The following DSCAM variants were observed in gnomAD, a reference collection of about 807,000 sequenced individuals.
DSCAM encodes cell adhesion molecule DSCAM.
DSCAM carries 47 observed loss-of-function variants against 217.7 expected under a neutral mutation model. The observed-to-expected ratio is 0.22, with a 90% CI of 0.17 to 0.28. DSCAM has a LOEUF of 0.28. Among genes scored for constraint, DSCAM ranks in the 10% least tolerant of loss-of-function variants. The pLI, the probability that DSCAM is intolerant of heterozygous loss-of-function variation, is 1.00. For missense variants in DSCAM, 2,080 were observed against 2,618.3 expected, an observed-to-expected ratio of 0.79 and a Z score of 4.49; for synonymous variants, 1,056 against 1,015.3, an observed-to-expected ratio of 1.04 and a Z score of -0.76.
intron 3 of DSCAM, among the ~76,000 whole-genome samples, chr21:40,617,392 G>A (rs2089417038): frequency 6.6e-6 from 1 of 152,074 alleles, no homozygotes; most frequent in South Asian, 2.1e-4. Context: ...CCGAAGTGCT[G>A]GGATTACAGG....
intron 3 of DSCAM, among the ~76,000 whole-genome samples, chr21:40,401,085 T>C (rs541857829): frequency 6.6e-6 from 1 of 152,334 alleles, no homozygotes. Flanking sequence ...AGTAACAGGA[T>C]CACCTTGGTT....
chr21:40,457,520 T>TAA (rs1223260239), intron 3 of DSCAM, among the ~76,000 whole-genome samples: 7 of 142,118 alleles, frequency 4.9e-5, no homozygotes, highest in African/African-American at 1.9e-4. Context: ...TCAAAAAAAA[T>TAA]AATAAAATAA....
At chr21:40,395,908 C>A (rs1476015118) in intron 3 of DSCAM, among the ~76,000 whole-genome samples, 1 of 152,174 alleles carries the variant, frequency 6.6e-6, no homozygotes, top group Admixed American at 6.5e-5. Context: ...CTCCCTGCCA[C>A]GGCCCTCACA....
chr21:40,569,655 C>G (rs1393781254), intron 3 of DSCAM, among the ~76,000 whole-genome samples: 2 of 152,158 alleles, frequency 1.3e-5, no homozygotes, highest in Non-Finnish European at 2.9e-5. Flanking sequence ...CTATCTGTCC[C>G]CTATATAACT....
intron 8 of DSCAM, among the ~76,000 whole-genome samples, chr21:40,324,142 A>G (rs1296559392): frequency 2.7e-5 from 4 of 145,994 alleles, no homozygotes; most frequent in African/African-American, 5.1e-5. Flanking sequence ...GAAAAAAAAA[A>G]GAGAGAGAGA....
At chr21:40,153,246 C>T (rs1277136733) in intron 16 of DSCAM, among the ~76,000 whole-genome samples, 1 of 152,220 alleles carries the variant, frequency 6.6e-6, no homozygotes, top group African/African-American at 2.4e-5. Context: ...CTACACAAGG[C>T]ATGGCACAAC....
At chr21:40,525,793 C>G (rs2076395589) in intron 3 of DSCAM, among the ~76,000 whole-genome samples, 1 of 152,224 alleles carries the variant, frequency 6.6e-6, no homozygotes, top group Non-Finnish European at 1.5e-5. Context: ...GAGGTACCCT[C>G]ATTTCAGTCT....
chr21:40,130,553 G>A lies in DSCAM; in HGVS notation c.3562+3301C>T, dbSNP rs1344537301. Among the ~76,000 whole-genome samples, 36 of 152,120 alleles carry A rather than the reference G, an allele frequency of 2.4e-4. 2 individuals carry two copies. The highest frequency in any genetic ancestry group is 2.2e-3 in the Admixed American group (33 of 15,272). ...TCCATGTACCTGAGACTCTATTTAC[G>A]GATGAGAGATGATATCCATGGCCCT... On this transcript the variant is annotated intron_variant, in intron 19 of 32. Coordinates refer to ENST00000400454, the MANE Select transcript of DSCAM (RefSeq NM_001389.5).
chr21:40,334,693 A>G (rs1447526082), intron 8 of DSCAM, among the ~76,000 whole-genome samples: 2 of 144,332 alleles, frequency 1.4e-5, no homozygotes, highest in Non-Finnish European at 3.0e-5. Context: ...TGCAGTGTCT[A>G]TTCACAGGTG....
At chr21:40,112,293 G>C (rs553949799) in intron 20 of DSCAM, among the ~76,000 whole-genome samples, 1 of 150,636 alleles carries the variant, frequency 6.6e-6, no homozygotes, top group African/African-American at 2.4e-5. Flanking sequence ...CATGGAAACT[G>C]AACAACCTGC....
At chr21:40,765,813 A>G (rs1386978910) in intron 1 of DSCAM, among the ~76,000 whole-genome samples, 1 of 152,214 alleles carries the variant, frequency 6.6e-6, no homozygotes, top group Non-Finnish European at 1.5e-5. Flanking sequence ...AGTGCCTGTT[A>G]TCAACAGCCG....
intron 11 of DSCAM, among the ~76,000 whole-genome samples, chr21:40,249,494 C>T (rs1414255358): frequency 6.6e-6 from 1 of 152,166 alleles, no homozygotes; most frequent in African/African-American, 2.4e-5. Flanking sequence ...TCCAACTAAA[C>T]TTTTTTTCTT....
rs755508225 is a variant in DSCAM at position 40,692,901 on chromosome 21, A to G, written c.417T>C (p.Asn139=). 3 of 1,613,848 alleles carry G rather than the reference A, an allele frequency of 1.9e-6. No individual in the cohort carries two copies. The highest frequency in any genetic ancestry group is 4.5e-5 in the East Asian group (2 of 44,878). ...GGATAATGCACTTGAAGACCGCAACATTGCCTCTCATGGTTTTCTGGTCCT... is the reference window on the plus strand; with the variant it reads ...GGATAATGCACTTGAAGACCGCAACGTTGCCTCTCATGGTTTTCTGGTCCT... ...RVEDQKTMRG[N]VAVFKCIIPS... Residue 139 remains asparagine, a synonymous_variant, in exon 3 of 33, where the codon AAT becomes AAC. Coordinates refer to ENST00000400454, the MANE Select transcript of DSCAM (RefSeq NM_001389.5).
chr21:40,330,498 G>A (rs891884836), intron 8 of DSCAM, among the ~76,000 whole-genome samples: 18 of 150,176 alleles, frequency 1.2e-4, no homozygotes, highest in African/African-American at 4.2e-4. Context: ...TTGAGATATC[G>A]CTTATAAAAC....
intron 3 of DSCAM, among the ~76,000 whole-genome samples, chr21:40,406,229 G>T (rs762299130): frequency 2.0e-5 from 3 of 152,138 alleles, no homozygotes; most frequent in Non-Finnish European, 4.4e-5. Flanking sequence ...AGTCACTATG[G>T]AAAATGGTAT....
intron 28 of DSCAM, among the ~76,000 whole-genome samples, chr21:40,061,752 A>G (rs1390305338): frequency 1.3e-5 from 2 of 152,124 alleles, no homozygotes; most frequent in African/African-American, 4.8e-5. Flanking sequence ...GAACATGGGA[A>G]GTTTTTAAAT....
intron 3 of DSCAM, among the ~76,000 whole-genome samples, chr21:40,392,421 T>C (rs1213642678): frequency 6.6e-6 from 1 of 152,338 alleles, no homozygotes; most frequent in East Asian, 1.9e-4. Flanking sequence ...ATTTTTTAAA[T>C]AGTTATAGGA....
At chr21:40,201,997 C>T (rs745937899) in intron 11 of DSCAM, among the ~76,000 whole-genome samples, 2 of 152,134 alleles carry the variant, frequency 1.3e-5, no homozygotes, top group Non-Finnish European at 2.9e-5. Context: ...ACTCTGAGAC[C>T]AGATTATAAA....
At chr21:40,372,451 C>G (rs1377610234) in intron 3 of DSCAM, among the ~76,000 whole-genome samples, 2 of 152,072 alleles carry the variant, frequency 1.3e-5, no homozygotes, top group South Asian at 4.1e-4. Context: ...ATAGTTCATA[C>G]TTTTTGTCAT....
Sources: allele counts gnomAD v4.1 joint callset (sites outside exome capture counted in the v4.1 genomes callset), GRCh38; gene constraint gnomAD v4.1.1; transcripts MANE v1.5; gene names NCBI Gene and HGNC (gene_info 2026-07-23, HGNC 2026-07-21).